DEGS2: variants seen among roughly 807,000 people sequenced by gnomAD.
The protein encoded by DEGS2 is delta 4-desaturase, sphingolipid 2, also known as sphingolipid delta(4)-desaturase/C4-monooxygenase DES2.
A neutral mutation model predicts 23.8 loss-of-function variants in DEGS2; 19 were observed. The observed-to-expected ratio is 0.80, with a 90% CI of 0.56 to 1.17. The LOEUF is 1.17. DEGS2 is among the 50% of genes most tolerant of loss of function. DEGS2 has a pLI of 0.00. For synonymous variants in DEGS2, 218 were observed against 213.7 expected (o/e 1.02, Z -0.18); for missense variants, 390 against 459.5 (o/e 0.85, Z 1.38).
chr14:100,151,682 A>G (rs902511160), intron 1 of DEGS2, among the ~76,000 whole-genome samples: 8 of 152,308 alleles, frequency 5.3e-5, no homozygotes, highest in African/African-American at 1.7e-4. Context: ...TTTGCACCCA[A>G]GGAGTTCCAG....
At chr14:100,164,245 C>T (rs1308963056), upstream of DEGS2, among the ~76,000 whole-genome samples, 1 of 152,056 alleles carries the variant, frequency 6.6e-6, no homozygotes, top group African/African-American at 2.4e-5. Flanking sequence ...CCTTGTCTAT[C>T]GTAACAGGGC....
At chr14:100,159,420 GGCCC>G in intron 1 of DEGS2, 82 bp downstream of exon 1, 1 of 1,066,956 alleles carries the variant, frequency 9.4e-7, no homozygotes, top group Non-Finnish European at 1.3e-6. Context: ...GAGCTGGAGC[GGCCC>G]GTCTGGGCTC....
rs1006185058 is a variant in DEGS2, at chr14:100,147,921, C to T, written c.826-1014G>A. On this transcript the variant is annotated intron_variant, in intron 2 of 2. Transcript: ENST00000305631. The stretch of plus-strand genomic sequence containing the variant: ...TGAGGCGGGCACCTCTCCCCCGTGC[C>T]TCTGCCTTATCTATACAACAGGGAT... 5.3e-5 allele frequency among the ~76,000 whole-genome samples: 8 copies of T among 152,308 alleles called. 1 individual carries two copies. In the South Asian group the frequency reaches 1.7e-3, roughly 32 times the overall value.
Position 100,146,434 on chromosome 14 carries a change from G to A in DEGS2, c.*327C>T, listed in dbSNP as rs559005979. Reference sequence around the variant, plus strand: ...ATCCATGGGCTGTGAAACAAACGCCGGGTTTAATGTAGGGCACAGGCACCC... The same window carrying A: ...ATCCATGGGCTGTGAAACAAACGCCAGGTTTAATGTAGGGCACAGGCACCC... On this transcript the variant is annotated 3_prime_UTR_variant, in exon 3 of 3. Transcript: ENST00000305631. 6 of 284,086 alleles carry A rather than the reference G, an allele frequency of 2.1e-5. No homozygotes were observed. Among genetic ancestry groups the A allele is most frequent in the East Asian group, 8.6e-5 (1 of 11,610 alleles). The allele number at this position is 284,086 out of a possible 1,614,324, so 17.6% of individuals were successfully genotyped here.
upstream of DEGS2, chr14:100,160,063 G>A (rs924346063): frequency 3.3e-5 from 5 of 153,028 alleles, no homozygotes; most frequent in South Asian, 2.1e-4. Context: ...CGGCTGGCAG[G>A]ATAGGGGGAC....
chr14:100,166,262 TGGGGGGAG>T, the DEGS2 span, among the ~76,000 whole-genome samples: 115 of 68,882 alleles, frequency 1.7e-3, 13 homozygotes, highest in East Asian at 9.8e-4. Flanking sequence ...TCCGGGGGAG[TGGGGGGAG>T]CCTGTCTGGG....
chr14:100,149,506 G>T lies in DEGS2; in HGVS notation c.287C>A (p.Ala96Asp). The T allele has an allele frequency of 2.5e-6, 4 of 1,600,380 alleles. No individual in the cohort carries two copies. The highest frequency in any genetic ancestry group is 2.6e-6 in the Non-Finnish European group (3 of 1,175,092). Reference protein sequence around the residue: ...LAIHDISHNAAFGTGRAARNR... With the variant: ...LAIHDISHNADFGTGRAARNR... ...GCGTGCCGCACGGCCCGTGCCGAAG[G>T]CCGCGTTGTGCGAGATGTCGTGGAT... The change falls in exon 2 of 3, where the codon GCC (alanine) becomes GAC (aspartate). Residue 96 changes from alanine to aspartate, a missense_variant. By Grantham distance (126) the Ala-to-Asp change is moderately radical. Coordinates refer to ENST00000305631, the MANE Select transcript of DEGS2 (RefSeq NM_206918.3).
At chr14:100,147,474 T>G (rs1889470463) in intron 2 of DEGS2, among the ~76,000 whole-genome samples, 2 of 152,160 alleles carry the variant, frequency 1.3e-5, no homozygotes, top group African/African-American at 4.8e-5. Flanking sequence ...CTGCTTGTCA[T>G]GTTCCAAGGG....
rs572412148 is a variant in DEGS2, at chr14:100,154,518, G to T, written c.83-4808C>A. On this transcript the variant is annotated intron_variant, in intron 1 of 2. Transcript: ENST00000305631. Reference sequence around the variant, plus strand: ...TGTGGCTGGGAGCCCATGGAGGTGGGGTCTTCCCTAGGGGCCTATGGAGAA... The same window carrying T: ...TGTGGCTGGGAGCCCATGGAGGTGGTGTCTTCCCTAGGGGCCTATGGAGAA... Among the ~76,000 whole-genome samples, 837 of 152,346 alleles carry T rather than the reference G, an allele frequency of 5.5e-3. 3 individuals carry two copies. The highest frequency in any genetic ancestry group is 9.9e-3 in the Non-Finnish European group (676 of 68,032).
intron 2 of DEGS2, among the ~76,000 whole-genome samples, chr14:100,148,606 C>T (rs1417419813): frequency 2.0e-5 from 3 of 152,222 alleles, no homozygotes; most frequent in Non-Finnish European, 4.4e-5. Flanking sequence ...AGGGCAATGA[C>T]AAGGAATGAG....
chr14:100,156,407 G>A (rs1020501391), intron 1 of DEGS2, among the ~76,000 whole-genome samples: 2 of 152,250 alleles, frequency 1.3e-5, no homozygotes, highest in Non-Finnish European at 2.9e-5. Flanking sequence ...CCAGGTCTCT[G>A]AGACATTAAT....
At position 100,146,813 on chromosome 14, in the gene DEGS2, C is replaced by T; in HGVS notation, c.920G>A (p.Gly307Glu). 1.9e-6 allele frequency: 3 copies of T among 1,613,828 alleles called. No homozygotes were observed. The highest frequency in any genetic ancestry group is 2.5e-6 in the Non-Finnish European group (3 of 1,179,926). ...LWDFVFEDSLGPYARVKRVYR... is the reference protein window; with the variant it reads ...LWDFVFEDSLEPYARVKRVYR... ...CACCCGCTTCACCCTGGCATAGGGC[C>T]CCAGGGAGTCCTCAAACACAAAATC... is the stretch of plus-strand genomic sequence containing the variant. Residue 307 changes from glycine to glutamate, a missense_variant, in exon 3 of 3, where the codon GGG becomes GAG. Gly to Glu is a moderately conservative substitution (Grantham distance 98). Transcript: ENST00000305631.
chr14:100,166,496 G>A, the DEGS2 span, among the ~76,000 whole-genome samples: 2 of 152,216 alleles, frequency 1.3e-5, no homozygotes, highest in Middle Eastern at 3.4e-3. Context: ...TAGAAGAACA[G>A]AGCACTCTAT....
At chr14:100,165,518 G>A in the DEGS2 span, among the ~76,000 whole-genome samples, 4 of 152,342 alleles carry the variant, frequency 2.6e-5, no homozygotes, top group Non-Finnish European at 4.4e-5. Flanking sequence ...CAAGCAGTGG[G>A]CGCAGCTAGC....
chr14:100,147,886 C>T (rs991201632), intron 2 of DEGS2, among the ~76,000 whole-genome samples: 6 of 151,988 alleles, frequency 3.9e-5, no homozygotes, highest in South Asian at 2.1e-4. Flanking sequence ...CCCTCCGCCC[C>T]GTCACCTCCT....
chr14:100,149,959 G>T (rs1004647985), intron 1 of DEGS2, among the ~76,000 whole-genome samples: 8 of 152,224 alleles, frequency 5.3e-5, no homozygotes, highest in Non-Finnish European at 8.8e-5. Flanking sequence ...CTGGCAGATG[G>T]GCCCTGCTGC....
intron 2 of DEGS2, 84 bp downstream of exon 2, chr14:100,148,884 G>A (rs2140419774): frequency 1.4e-6 from 2 of 1,468,014 alleles, no homozygotes; most frequent in Non-Finnish European, 1.8e-6. Context: ...GCTGGGCATG[G>A]CCCAAGGCCC....
intron 1 of DEGS2, among the ~76,000 whole-genome samples, chr14:100,153,174 T>G (rs1483487268): frequency 6.6e-6 from 1 of 152,100 alleles, no homozygotes; most frequent in Non-Finnish European, 1.5e-5. Flanking sequence ...GAAGATCGCT[T>G]GAGCCCAGGA....
chr14:100,159,549 G>A lies in DEGS2; in HGVS notation c.39C>T (p.Val13=). The part of the protein sequence containing the change: ...NSASRSDFEW[V]YTDQPHTQRR... The stretch of plus-strand genomic sequence containing the variant: ...GCTGCGTGTGCGGCTGGTCGGTGTA[G>A]ACCCACTCGAAGTCGCTGCGGCTCG... The change falls in exon 1 of 3, where the codon GTC becomes GTT. Residue 13 remains valine, a synonymous_variant. Coordinates refer to ENST00000305631, the MANE Select transcript of DEGS2 (RefSeq NM_206918.3). The A allele has an allele frequency of 1.3e-6, 2 of 1,509,566 alleles. No homozygotes were observed. Among genetic ancestry groups the A allele is most frequent in the Non-Finnish European group, 1.8e-6 (2 of 1,130,754 alleles). 93.5% of individuals were successfully genotyped at this position (1,509,566 alleles called of 1,614,324 possible). A position where few individuals can be genotyped will look rare whatever the true frequency, so the allele number is the denominator to read the frequency against.
Sources: gnomAD v4.1 joint callset for allele counts (sites outside exome capture counted in the v4.1 genomes callset) on GRCh38, gnomAD v4.1.1 for gene constraint, MANE v1.5 for transcripts, NCBI Gene and HGNC (gene_info 2026-07-23, HGNC 2026-07-21) for gene names.